TBC1D22A: variants seen among roughly 807,000 people sequenced by gnomAD.
TBC1D22A encodes TBC1 domain family member 22A, also known as putative GTPase activator.
In TBC1D22A, 38 loss-of-function variants were observed where a neutral mutation model predicts 60.2. That is an observed-to-expected ratio of 0.63 (90% CI 0.49 to 0.83). TBC1D22A has a LOEUF of 0.83. Among genes scored for constraint, TBC1D22A ranks in the 40% least tolerant of loss-of-function variants. The probability of loss-of-function intolerance (pLI) is 0.00; values close to 1 mark genes in which losing one functional copy is unlikely to be tolerated. For synonymous variants in TBC1D22A, 302 were observed against 281.7 expected, an observed-to-expected ratio of 1.07 and a Z score of -0.72; for missense variants, 628 against 701.0, an observed-to-expected ratio of 0.90 and a Z score of 1.18.
chr22:47,000,671 A>G (rs1261450036), intron 10 of TBC1D22A, among the ~76,000 whole-genome samples: 1 of 152,188 alleles, frequency 6.6e-6, no homozygotes, highest in Non-Finnish European at 1.5e-5. Context: ...ATGAGTTCCC[A>G]CAGAATCAGA....
chr22:46,774,120 C>T (rs1488872844), intron 1 of TBC1D22A: 2 of 985,558 alleles, frequency 2.0e-6, no homozygotes, highest in African/African-American at 1.7e-5. Context: ...AGGCTGCTGC[C>T]TGCTGGGCCT....
chr22:46,884,339 G>A (rs1602305479), intron 5 of TBC1D22A, among the ~76,000 whole-genome samples: 2 of 152,256 alleles, frequency 1.3e-5, no homozygotes, highest in African/African-American at 2.4e-5. Context: ...GGTGCCTGGG[G>A]GTGCATTCCT....
intron 7 of TBC1D22A, among the ~76,000 whole-genome samples, chr22:46,896,878 T>C (rs1479134088): frequency 6.6e-6 from 1 of 152,116 alleles, no homozygotes; most frequent in African/African-American, 2.4e-5. Context: ...TTTGGGTCTG[T>C]TTGGTTTATG....
intron 7 of TBC1D22A, among the ~76,000 whole-genome samples, chr22:46,904,229 T>TTA (rs1555937743): frequency 6.9e-6 from 1 of 145,850 alleles, no homozygotes; most frequent in African/African-American, 2.6e-5. Flanking sequence ...GAAAAAAGAA[T>TTA]AAAAAAAAAG....
At chr22:47,123,408 C>T (rs1455429119) in intron 12 of TBC1D22A, among the ~76,000 whole-genome samples, 1 of 152,228 alleles carries the variant, frequency 6.6e-6, no homozygotes, top group African/African-American at 2.4e-5. Flanking sequence ...TTTGTGCACC[C>T]AGTCCTGATA....
intron 8 of TBC1D22A, among the ~76,000 whole-genome samples, chr22:46,945,424 T>C (rs1158218830): frequency 6.6e-6 from 1 of 152,222 alleles, no homozygotes; most frequent in African/African-American, 2.4e-5. Context: ...TCCTTGTTAT[T>C]ATGTCTTACT....
intron 12 of TBC1D22A, among the ~76,000 whole-genome samples, chr22:47,166,560 G>A (rs997623478): frequency 3.9e-5 from 6 of 152,254 alleles, no homozygotes; most frequent in African/African-American, 1.2e-4. Flanking sequence ...GTCTGCGGTA[G>A]CCTGCATCCC....
intron 4 of TBC1D22A, among the ~76,000 whole-genome samples, chr22:46,824,340 G>T (rs76656711): frequency 0.074 from 11,210 of 152,252 alleles, 583 homozygotes; most frequent in Non-Finnish European, 0.11. Flanking sequence ...CCCAAAGGAT[G>T]AGAGGAGATA....
intron 8 of TBC1D22A, among the ~76,000 whole-genome samples, chr22:46,961,849 G>A (rs1395728002): frequency 6.6e-6 from 1 of 152,240 alleles, no homozygotes; most frequent in African/African-American, 2.4e-5. Context: ...GCATGTGAGA[G>A]CCCTGGGGAA....
At chr22:47,127,338 C>T (rs915178570) in intron 12 of TBC1D22A, among the ~76,000 whole-genome samples, 3 of 150,474 alleles carry the variant, frequency 2.0e-5, no homozygotes, top group African/African-American at 7.3e-5. Flanking sequence ...AGCTATTCTC[C>T]TGCCTCAGCC....
At chr22:47,156,528 A>G (rs1160681581) in intron 12 of TBC1D22A, among the ~76,000 whole-genome samples, 1 of 152,178 alleles carries the variant, frequency 6.6e-6, no homozygotes, top group African/African-American at 2.4e-5. Context: ...ATCGATGCCT[A>G]GCTTGAGGCT....
chr22:47,026,784 G>A (rs2062271025), intron 10 of TBC1D22A, among the ~76,000 whole-genome samples: 1 of 152,176 alleles, frequency 6.6e-6, no homozygotes, highest in Non-Finnish European at 1.5e-5. Flanking sequence ...GAGATCAGAA[G>A]ACTCAAGAGT....
chr22:47,054,489 A>C (rs2063323403), intron 11 of TBC1D22A, among the ~76,000 whole-genome samples: 1 of 152,164 alleles, frequency 6.6e-6, no homozygotes, highest in African/African-American at 2.4e-5. Context: ...TACTCTCCAC[A>C]GAGCTGGCTC....
chr22:47,084,653 G>T (rs988048947), intron 11 of TBC1D22A, among the ~76,000 whole-genome samples: 1 of 152,184 alleles, frequency 6.6e-6, no homozygotes, highest in East Asian at 1.9e-4. Flanking sequence ...ATAAACTGTG[G>T]AGTATTGTTG....
intron 8 of TBC1D22A, among the ~76,000 whole-genome samples, chr22:46,931,368 T>C (rs1346575029): frequency 6.6e-6 from 1 of 152,250 alleles, no homozygotes; most frequent in South Asian, 2.1e-4. Flanking sequence ...TTTTAAAAAA[T>C]GAGTTTCTCT....
At chr22:47,004,664 A>G (rs1303077991) in intron 10 of TBC1D22A, among the ~76,000 whole-genome samples, 1 of 146,912 alleles carries the variant, frequency 6.8e-6, no homozygotes, top group Admixed American at 6.8e-5. Context: ...ATGCCTATAT[A>G]CACACACACC....
intron 1 of TBC1D22A, among the ~76,000 whole-genome samples, chr22:46,791,034 G>A (rs1468162009): frequency 1.3e-5 from 2 of 151,962 alleles, no homozygotes. Flanking sequence ...GCGATCATCC[G>A]GCCATTTTTT....
chr22:46,803,076 A>G (rs1415522794), intron 4 of TBC1D22A, among the ~76,000 whole-genome samples: 1 of 152,038 alleles, frequency 6.6e-6, no homozygotes, highest in African/African-American at 2.4e-5. Flanking sequence ...GTGTGTTTAA[A>G]TGCTCCCATG....
chr22:47,053,766 C>T (rs1198281874), intron 11 of TBC1D22A, among the ~76,000 whole-genome samples: 1 of 152,260 alleles, frequency 6.6e-6, no homozygotes, highest in Non-Finnish European at 1.5e-5. Context: ...CCCTTCTGCG[C>T]TCCAGGCGCT....
Sources: allele counts gnomAD v4.1 joint callset (sites outside exome capture counted in the v4.1 genomes callset), GRCh38; gene constraint gnomAD v4.1.1; transcripts MANE v1.5; gene names NCBI Gene and HGNC (gene_info 2026-07-23, HGNC 2026-07-21).